The following BACH2 variants were observed in gnomAD, a reference collection of about 807,000 sequenced individuals.
BACH2 encodes transcription regulator protein BACH2.
Under a neutral mutation model 61.8 loss-of-function variants are expected in BACH2, and 5 were observed. The ratio of observed to expected loss-of-function variants is 0.08; its 90% CI spans 0.04 to 0.17. The LOEUF is 0.17. BACH2 is among the 10% of genes least tolerant of loss of function. BACH2 has a pLI of 1.00. For missense variants in BACH2, 824 were observed against 1,091.1 expected (o/e 0.76, Z 3.45); for synonymous variants, 446 against 440.1 (o/e 1.01, Z -0.17).
intron 6 of BACH2, among the ~76,000 whole-genome samples, chr6:90,007,275 C>A (rs959649175): frequency 6.6e-6 from 1 of 151,922 alleles, no homozygotes; most frequent in African/African-American, 2.4e-5. Context: ...GGGGTTTCAC[C>A]ATGTTGGGCA....
chr6:89,948,120 C>A (rs1159104042), intron 7 of BACH2, among the ~76,000 whole-genome samples: 1 of 152,072 alleles, frequency 6.6e-6, no homozygotes, highest in African/African-American at 2.4e-5. Flanking sequence ...GGTGGGGGGA[C>A]ACAAAAGAAG....
intron 4 of BACH2, among the ~76,000 whole-genome samples, chr6:90,194,352 A>C (rs1480069836): frequency 1.3e-5 from 2 of 152,158 alleles, no homozygotes; most frequent in Non-Finnish European, 2.9e-5. Flanking sequence ...ATGAAGAAAA[A>C]ATGAAATGAT....
rs73755603 is a variant in BACH2, at chr6:90,235,324, C to T, written c.-275+17189G>A. 9.3e-4 allele frequency among the ~76,000 whole-genome samples: 141 copies of T among 152,272 alleles called. No individual in the cohort carries two copies. In the Middle Eastern group the frequency reaches 0.02, roughly 22 times the overall value. ...ATAAATCACTTAACATCTTTGCTCT[C>T]GGTTTCCCAGTCTGTAAAAACAGAG... On this transcript the variant is annotated intron_variant, in intron 3 of 8. Coordinates refer to ENST00000257749, the MANE Select transcript of BACH2 (RefSeq NM_021813.4).
At chr6:90,014,576 A>T (rs1777952661) in intron 5 of BACH2, among the ~76,000 whole-genome samples, 1 of 145,894 alleles carries the variant, frequency 6.9e-6, no homozygotes, top group Admixed American at 7.0e-5. Flanking sequence ...TGGATTCACA[A>T]GTGATTCTCC....
intron 6 of BACH2, among the ~76,000 whole-genome samples, chr6:89,972,735 A>C (rs1320685597): frequency 6.6e-6 from 1 of 152,050 alleles, no homozygotes. Flanking sequence ...TTTCCCAGTA[A>C]GTCATTCTGA....
intron 2 of BACH2, among the ~76,000 whole-genome samples, chr6:90,269,016 A>G (rs1771434281): frequency 6.6e-6 from 1 of 152,196 alleles, no homozygotes; most frequent in Admixed American, 6.5e-5. Context: ...ATGAAACCCC[A>G]TACAACTCCA....
At chr6:90,106,387 T>C (rs1782913157) in intron 4 of BACH2, among the ~76,000 whole-genome samples, 1 of 152,258 alleles carries the variant, frequency 6.6e-6, no homozygotes. Flanking sequence ...ATCATATTTT[T>C]ACTGTACCTT....
intron 4 of BACH2, among the ~76,000 whole-genome samples, chr6:90,171,103 A>C (rs571112363): frequency 1.3e-5 from 2 of 152,164 alleles, no homozygotes; most frequent in African/African-American, 4.8e-5. Context: ...AAAAGAAGAA[A>C]ATTTCCTCAA....
chr6:90,166,163 A>G (rs1034656878), intron 4 of BACH2, among the ~76,000 whole-genome samples: 8 of 152,260 alleles, frequency 5.3e-5, no homozygotes, highest in Non-Finnish European at 1.0e-4. Flanking sequence ...TACTCGTCTG[A>G]CAAAGGGCTA....
intron 4 of BACH2, among the ~76,000 whole-genome samples, chr6:90,185,572 A>G (rs1434134165): frequency 1.3e-5 from 2 of 152,106 alleles, no homozygotes; most frequent in African/African-American, 2.4e-5. Context: ...TTTCTACTTT[A>G]CTTTCCAATT....
chr6:89,964,392 CT>C (rs1774933176), intron 6 of BACH2, among the ~76,000 whole-genome samples: 2 of 151,944 alleles, frequency 1.3e-5, no homozygotes, highest in South Asian at 4.2e-4. Flanking sequence ...GAGTATTGAA[CT>C]TATTTAACAC....
At chr6:90,091,907 T>C (rs1782174879) in intron 4 of BACH2, among the ~76,000 whole-genome samples, 2 of 152,180 alleles carry the variant, frequency 1.3e-5, no homozygotes, top group Admixed American at 6.6e-5. Flanking sequence ...ATTTTCCTGA[T>C]AATTAGGTGT....
intron 4 of BACH2, among the ~76,000 whole-genome samples, chr6:90,160,545 A>G (rs568634886): frequency 6.6e-6 from 1 of 152,384 alleles, no homozygotes; most frequent in South Asian, 2.1e-4. Context: ...TATTTTTACT[A>G]GCAGAGTAGA....
chr6:90,036,867 C>T (rs1779288907), intron 5 of BACH2, among the ~76,000 whole-genome samples: 1 of 152,068 alleles, frequency 6.6e-6, no homozygotes, highest in Non-Finnish European at 1.5e-5. Context: ...ATACTCCATC[C>T]CAGTCATTCC....
At chr6:89,996,582 G>A (rs1004460691) in intron 6 of BACH2, among the ~76,000 whole-genome samples, 11 of 152,230 alleles carry the variant, frequency 7.2e-5, no homozygotes, top group Admixed American at 1.3e-4. Flanking sequence ...TCCTGCAAGT[G>A]CCTCTTTTTG....
chr6:90,155,126 A>C (rs1784953014), intron 4 of BACH2, among the ~76,000 whole-genome samples: 1 of 152,216 alleles, frequency 6.6e-6, no homozygotes, highest in Non-Finnish European at 1.5e-5. Flanking sequence ...AGCCCCAAAC[A>C]ACCACCACCA....
chr6:89,976,839 A>C (rs550192308), intron 6 of BACH2, among the ~76,000 whole-genome samples: 1 of 152,336 alleles, frequency 6.6e-6, no homozygotes, highest in East Asian at 1.9e-4. Flanking sequence ...GCTCTGGAGC[A>C]GGTAAAAAAA....
rs572781346 is a variant in BACH2, at chr6:90,083,161, C to T, written c.-13+5800G>A. On this transcript the variant is annotated intron_variant, in intron 5 of 8. Transcript: ENST00000257749. The stretch of plus-strand genomic sequence containing the variant: ...ATGCCCTGGGTTAAATCTGGGCTCA[C>T]AGAGAGGCATCATTTCACTAGTGAC... 3.5e-4 allele frequency among the ~76,000 whole-genome samples: 53 copies of T among 152,248 alleles called. 1 individual carries two copies. The highest frequency in any genetic ancestry group is 1.3e-3 in the African/African-American group (52 of 41,542).
intron 1 of BACH2, among the ~76,000 whole-genome samples, chr6:90,281,293 T>C (rs2127886742): frequency 6.6e-6 from 1 of 152,344 alleles, no homozygotes; most frequent in East Asian, 1.9e-4. Flanking sequence ...ATGTAGCAAT[T>C]TACAGTTATT....
Sources: allele counts gnomAD v4.1 joint callset (sites outside exome capture counted in the v4.1 genomes callset), GRCh38; gene constraint gnomAD v4.1.1; transcripts MANE v1.5; gene names NCBI Gene and HGNC (gene_info 2026-07-23, HGNC 2026-07-21).